The following EVC variants were observed in gnomAD, a reference collection of about 807,000 sequenced individuals.
EVC encodes evC complex member EVC.
EVC carries 116 observed loss-of-function variants against 118.9 expected under a neutral mutation model. The ratio of observed to expected loss-of-function variants is 0.98; its 90% CI spans 0.84 to 1.14. EVC has a LOEUF of 1.14. Ranked by LOEUF, EVC falls within the 50% of genes most tolerant of loss-of-function variation. The pLI is 0.00. For missense variants in EVC, 1,401 were observed against 1,246.4 expected (o/e 1.12, Z -1.87); for synonymous variants, 619 against 534.7 (o/e 1.16, Z -2.18).
chr4:5,745,066 C>A, intron 6 of EVC, 138 bp from the exon 7 acceptor site: 1 of 770,112 alleles, frequency 1.3e-6, no homozygotes, highest in African/African-American at 1.8e-5. Flanking sequence ...TCATGTACAA[C>A]AACCCCCAGA....
At chr4:5,817,603 T>C (rs1449868802), downstream of EVC, among the ~76,000 whole-genome samples, 1 of 152,212 alleles carries the variant, frequency 6.6e-6, no homozygotes, top group Non-Finnish European at 1.5e-5. Flanking sequence ...TTAGGAAACT[T>C]CTTTTCATGG....
At chr4:5,767,924 C>T (rs1397049076) in intron 11 of EVC, among the ~76,000 whole-genome samples, 1 of 152,178 alleles carries the variant, frequency 6.6e-6, no homozygotes, top group South Asian at 2.1e-4. Context: ...CTTGGCCCCT[C>T]CCCCCACCGG....
At position 5,749,341 on chromosome 4, in the gene EVC, G is replaced by GGGAA. The variant is rs778335798; in HGVS notation, c.1098+1035_1098+1036insGGAA. 1.3e-4 allele frequency among the ~76,000 whole-genome samples: 16 copies of GGGAA among 121,878 alleles called. No individual in the cohort carries two copies. The highest frequency in any genetic ancestry group is 4.8e-4 in the African/African-American group (15 of 31,282). 80.0% of individuals were successfully genotyped at this position (121,878 alleles called of 152,430 possible). A position where few individuals can be genotyped will look rare whatever the true frequency, so the allele number is the denominator to read the frequency against. ...TAACACTAACGATAGCTGATGAGCG[G>GGGAA]AAAAAAAAAAAAAAAAAAAGGTCCC... On this transcript the variant is annotated intron_variant, in intron 8 of 20. Coordinates refer to ENST00000264956, the MANE Select transcript of EVC (RefSeq NM_153717.3). This position sits in a 1 kb window ranked among gnomAD's most constrained non-coding sequence, Gnocchi z 4.4.
downstream of EVC, among the ~76,000 whole-genome samples, chr4:5,818,296 C>T (rs1265574482): frequency 6.6e-6 from 1 of 152,152 alleles, no homozygotes; most frequent in Non-Finnish European, 1.5e-5. Flanking sequence ...ATTACCCAGT[C>T]TTGGGTATGT....
intron 11 of EVC, among the ~76,000 whole-genome samples, chr4:5,777,590 T>G (rs17690997): frequency 0.076 from 11,512 of 152,262 alleles, 480 homozygotes; most frequent in Middle Eastern, 0.15. Flanking sequence ...GTTAGATCTT[T>G]GCAACTTTTA....
Position 5,753,988 on chromosome 4 carries a change from C to G in EVC, c.1464+55C>G, listed in dbSNP as rs1202639441. The G allele has an allele frequency of 3.7e-6, 6 of 1,607,648 alleles. No homozygotes were observed. In the African/African-American group the frequency reaches 8.0e-5, roughly 21 times the overall value. On this transcript the variant is annotated intron_variant, in intron 10 of 20. Transcript: ENST00000264956. The stretch of plus-strand genomic sequence containing the variant: ...TGGGTGAGCCAGTTGTAGCTCTGTT[C>G]CCGTGACTGAGCACGGGACGCCGGA...
chr4:5,747,680 C>G (rs577879389), intron 7 of EVC, among the ~76,000 whole-genome samples: 73 of 152,324 alleles, frequency 4.8e-4, no homozygotes, highest in African/African-American at 1.7e-3. Context: ...AAAATGTTTT[C>G]ATGGTCAGCA....
rs1728068833 is a variant in EVC, at chr4:5,738,767, A to C, written c.703-2949A>C. On this transcript the variant is annotated intron_variant, in intron 5 of 20. Transcript: ENST00000264956. The surrounding 1 kb of genome is among the most constrained non-coding windows in gnomAD (Gnocchi z 6.5). ...TTTTTAGTAGAGACGGGGTTTCACC[A>C]TGTTGGCCAGGATGGGTCTCAATCT... Among the ~76,000 whole-genome samples the C allele has an allele frequency of 6.6e-6, 1 of 152,024 alleles. No individual in the cohort carries two copies. Among genetic ancestry groups the C allele is most frequent in the Non-Finnish European group, 1.5e-5 (1 of 68,018 alleles).
rs868215015 is a variant in EVC at position 5,789,227 on chromosome 4, A to G, written c.1777-4381A>G. On this transcript the variant is annotated intron_variant, in intron 12 of 20. Coordinates refer to ENST00000264956, the MANE Select transcript of EVC (RefSeq NM_153717.3). This position sits in a 1 kb window ranked among gnomAD's most constrained non-coding sequence, Gnocchi z 4.3. ...CCAATGGCTTCTCATTTCACACAGCATGAAAGTCAGAGTCCTCGCCACACT... is the reference window on the plus strand; with the variant it reads ...CCAATGGCTTCTCATTTCACACAGCGTGAAAGTCAGAGTCCTCGCCACACT... Among the ~76,000 whole-genome samples the G allele has an allele frequency of 3.3e-5, 5 of 152,120 alleles. No homozygotes were observed. The highest frequency in any genetic ancestry group is 1.3e-4 in the Admixed American group (2 of 15,280).
intron 4 of EVC, 31 bp from the exon 5 acceptor site, chr4:5,733,320 A>G (rs1231391894): frequency 1.3e-6 from 2 of 1,582,928 alleles, no homozygotes; most frequent in Non-Finnish European, 1.7e-6. Context: ...ATACCCTGAA[A>G]GTCTTTTCCG....
downstream of EVC, among the ~76,000 whole-genome samples, chr4:5,816,210 G>T (rs184999798): frequency 2.0e-3 from 302 of 152,282 alleles, 2 homozygotes; most frequent in African/African-American, 6.3e-3. Flanking sequence ...CACCGACATA[G>T]CCTGCAGTCC....
At chr4:5,727,094 G>A (rs1436059895) in intron 2 of EVC, among the ~76,000 whole-genome samples, 6 of 152,108 alleles carry the variant, frequency 3.9e-5, no homozygotes, top group Non-Finnish European at 5.9e-5. Flanking sequence ...CCCAGTAATG[G>A]GGTGGCTGGG....
At chr4:5,771,420 T>C (rs1733936947) in intron 11 of EVC, among the ~76,000 whole-genome samples, 1 of 152,124 alleles carries the variant, frequency 6.6e-6, no homozygotes, top group African/African-American at 2.4e-5. Flanking sequence ...GTGATGACAT[T>C]GGAGCCAACA....
chr4:5,799,257 A>T (rs1438408160), intron 15 of EVC, among the ~76,000 whole-genome samples: 1 of 152,204 alleles, frequency 6.6e-6, no homozygotes, highest in Non-Finnish European at 1.5e-5. Flanking sequence ...GTTCAGCTTG[A>T]GTAGACAGTG....
chr4:5,794,317 A>T (rs1200043115), intron 13 of EVC, among the ~76,000 whole-genome samples: 10 of 131,910 alleles, frequency 7.6e-5, no homozygotes, highest in Admixed American at 6.2e-4. Flanking sequence ...TTATATATTT[A>T]TATATATTTA....
chr4:5,785,057 C>T (rs561078331), intron 12 of EVC, among the ~76,000 whole-genome samples: 3 of 152,194 alleles, frequency 2.0e-5, no homozygotes, highest in Non-Finnish European at 4.4e-5. Context: ...ATATCCATAT[C>T]CCTTGCAACT....
chr4:5,752,627 G>T lies in EVC; in HGVS notation c.1099-209G>T, dbSNP rs564765464. The T allele has an allele frequency of 4.5e-5, 29 of 639,856 alleles. No individual in the cohort carries two copies. In the South Asian group the frequency reaches 5.3e-4, roughly 12 times the overall value. 39.6% of individuals were successfully genotyped at this position (639,856 alleles called of 1,614,324 possible). A position where few individuals can be genotyped will look rare whatever the true frequency, so the allele number is the denominator to read the frequency against. Reference sequence around the variant, plus strand: ...CATGCTAAGCTGCGTCAGCCTCCCCGCACCCTAGGAGAGACACTTAATCCC... The same window carrying T: ...CATGCTAAGCTGCGTCAGCCTCCCCTCACCCTAGGAGAGACACTTAATCCC... On this transcript the variant is annotated intron_variant, in intron 8 of 20. Coordinates refer to ENST00000264956, the MANE Select transcript of EVC (RefSeq NM_153717.3).
At position 5,733,336 on chromosome 4, in the gene EVC, C is replaced by T. The variant is rs1317426834; in HGVS notation, c.618-15C>T. ...TACCCTGAAAGTCTTTTCCGCTTCTCATTTTATTTTGCAGTGTAGACGTTG... is the reference window on the plus strand; with the variant it reads ...TACCCTGAAAGTCTTTTCCGCTTCTTATTTTATTTTGCAGTGTAGACGTTG... On this transcript the variant is annotated splice_polypyrimidine_tract_variant and intron_variant, in intron 4 of 20. Transcript: ENST00000264956. The T allele has an allele frequency of 3.7e-6, 6 of 1,610,398 alleles. No individual in the cohort carries two copies. Among genetic ancestry groups the T allele is most frequent in the Non-Finnish European group, 5.1e-6 (6 of 1,176,794 alleles).
rs1172698394 is a variant in EVC, at chr4:5,749,041, G to A, written c.1098+735G>A. Among the ~76,000 whole-genome samples the A allele has an allele frequency of 2.6e-5, 4 of 151,946 alleles. No homozygotes were observed. Among genetic ancestry groups the A allele is most frequent in the South Asian group, 2.1e-4 (1 of 4,806 alleles). On this transcript the variant is annotated intron_variant, in intron 8 of 20. Transcript: ENST00000264956. This position sits in a 1 kb window ranked among gnomAD's most constrained non-coding sequence, Gnocchi z 4.4. ...GACGATGGTGGGAGCTGGGGTTGAC[G>A]CCCACTGGTGTAGACAGAGCATTGA...
Sources: gnomAD v4.1 joint callset for allele counts (sites outside exome capture counted in the v4.1 genomes callset) on GRCh38, gnomAD v4.1.1 for gene constraint, Gnocchi (gnomAD v3.1) non-coding constraint, MANE v1.5 for transcripts, NCBI Gene and HGNC (gene_info 2026-07-23, HGNC 2026-07-21) for gene names.